ZCCHC17: variants seen among roughly 807,000 people sequenced by gnomAD.
ZCCHC17 encodes zinc finger CCHC domain-containing protein 17.
ZCCHC17 carries 18 observed loss-of-function variants against 30.6 expected under a neutral mutation model. That is an observed-to-expected ratio of 0.59 (90% CI 0.41 to 0.87). ZCCHC17 has a LOEUF of 0.87. ZCCHC17 is among the 40% of genes least tolerant of loss of function. The probability of loss-of-function intolerance (pLI) is 0.00; values close to 1 mark genes in which losing one functional copy is unlikely to be tolerated. For synonymous variants in ZCCHC17, 88 were observed against 92.4 expected, an observed-to-expected ratio of 0.95 and a Z score of 0.27; for missense variants, 263 against 284.2, an observed-to-expected ratio of 0.93 and a Z score of 0.54.
intron 3 of ZCCHC17, among the ~76,000 whole-genome samples, chr1:31,333,486 G>A (rs1421981339): frequency 2.0e-5 from 3 of 152,098 alleles, no homozygotes; most frequent in Admixed American, 6.6e-5. Context: ...TTGTGCCACT[G>A]CACTCCAGCC....
intron 6 of ZCCHC17, among the ~76,000 whole-genome samples, chr1:31,348,390 C>T (rs1262769785): frequency 2.0e-5 from 3 of 152,140 alleles, no homozygotes; most frequent in African/African-American, 4.8e-5. Flanking sequence ...GATGTGAGTG[C>T]CCACTTGCTA....
At position 31,331,614 on chromosome 1, in the gene ZCCHC17, AT is replaced by A. The variant is rs909092524; in HGVS notation, c.125-5549del. On this transcript the variant is annotated intron_variant, in intron 3 of 7. Coordinates refer to ENST00000344147, the MANE Select transcript of ZCCHC17 (RefSeq NM_016505.4). ...CTAATGATAGGAACTGTAGAGATGG[AT>A]TTTTTTTTTTTCTTTGAGATGGAGT... Among the ~76,000 whole-genome samples the A allele has an allele frequency of 9.6e-3, 1,386 of 145,046 alleles. 20 individuals are homozygous for A. Among genetic ancestry groups the A allele is most frequent in the African/African-American group, 0.03 (1,191 of 39,778 alleles).
At chr1:31,297,292 C>T (rs1646187135) in intron 1 of ZCCHC17, 6 of 397,436 alleles carry the variant, frequency 1.5e-5, no homozygotes, top group Non-Finnish European at 2.7e-5. Flanking sequence ...GCCCCTGCGG[C>T]TCCCTTCTTC....
chr1:31,349,354 C>A (rs1398927892), intron 7 of ZCCHC17, among the ~76,000 whole-genome samples: 1 of 152,102 alleles, frequency 6.6e-6, no homozygotes, highest in Non-Finnish European at 1.5e-5. Context: ...ATATTCTAAT[C>A]TTTTTTCTTT....
At chr1:31,299,846 G>T (rs545802905) in intron 1 of ZCCHC17, among the ~76,000 whole-genome samples, 1 of 152,284 alleles carries the variant, frequency 6.6e-6, no homozygotes, top group South Asian at 2.1e-4. Flanking sequence ...TTGTTGGAAT[G>T]ATGGGCTATG....
At chr1:31,322,995 C>T (rs978635916) in intron 3 of ZCCHC17, among the ~76,000 whole-genome samples, 9 of 152,184 alleles carry the variant, frequency 5.9e-5, no homozygotes, top group Non-Finnish European at 1.2e-4. Flanking sequence ...GCTGGGATTA[C>T]AGGTGTGAGC....
At chr1:31,325,313 G>A (rs901397685) in intron 3 of ZCCHC17, among the ~76,000 whole-genome samples, 1 of 152,224 alleles carries the variant, frequency 6.6e-6, no homozygotes, top group African/African-American at 2.4e-5. Flanking sequence ...CTTCCTGGAT[G>A]CAAGACAAGA....
chr1:31,354,401 A>T (rs1263117371), intron 7 of ZCCHC17, among the ~76,000 whole-genome samples: 2 of 151,890 alleles, frequency 1.3e-5, no homozygotes, highest in Non-Finnish European at 2.9e-5. Flanking sequence ...TTTCTTGCAG[A>T]TTTAGTTTTT....
chr1:31,361,573 C>T (rs1233267092), intron 7 of ZCCHC17, among the ~76,000 whole-genome samples: 1 of 152,158 alleles, frequency 6.6e-6, no homozygotes, highest in Non-Finnish European at 1.5e-5. Flanking sequence ...ATTTGTTGTT[C>T]TAATGACCAT....
intron 3 of ZCCHC17, among the ~76,000 whole-genome samples, chr1:31,324,270 C>A (rs377658664): frequency 6.6e-6 from 1 of 152,172 alleles, no homozygotes; most frequent in South Asian, 2.1e-4. Context: ...GCCAAGAGTT[C>A]GGGGCCAGGC....
At chr1:31,333,735 A>AT (rs1035847147) in intron 3 of ZCCHC17, among the ~76,000 whole-genome samples, 24 of 152,248 alleles carry the variant, frequency 1.6e-4, no homozygotes, top group African/African-American at 5.5e-4. Flanking sequence ...ATCTTTTGTC[A>AT]TTTTTTCACT....
intron 3 of ZCCHC17, among the ~76,000 whole-genome samples, chr1:31,335,080 AT>A (rs1206647831): frequency 6.6e-6 from 1 of 152,154 alleles, no homozygotes; most frequent in Non-Finnish European, 1.5e-5. Context: ...TTTCTCAGTT[AT>A]GTTTCTGCCC....
chr1:31,334,337 CTGTGTGTGTGTGTGTGTGTGTGTGTGTG>C (rs59851204), intron 3 of ZCCHC17, among the ~76,000 whole-genome samples: 12 of 85,586 alleles, frequency 1.4e-4, no homozygotes, highest in African/African-American at 5.9e-4. Context: ...CTCTCTCTCT[CTGTGTGTGTGTGTGTGTGTGTGTGTGTG>C]TGTGTGTGTG....
intron 3 of ZCCHC17, among the ~76,000 whole-genome samples, chr1:31,326,834 T>C (rs1452963260): frequency 6.6e-6 from 1 of 152,170 alleles, no homozygotes; most frequent in Non-Finnish European, 1.5e-5. Context: ...ACTTGAGCAA[T>C]TGACTTCCTT....
In ZCCHC17 at chr1:31,324,799, G is replaced by A. The variant is rs368451883; in HGVS notation, c.124+5633G>A. The stretch of plus-strand genomic sequence containing the variant: ...GCCCCTGGGCACAGAACAACTGGGC[G>A]TCATGGACAACATGATTGATGGTGA... On this transcript the variant is annotated intron_variant, in intron 3 of 7. Coordinates refer to ENST00000344147, the MANE Select transcript of ZCCHC17 (RefSeq NM_016505.4). Among the ~76,000 whole-genome samples the A allele has an allele frequency of 6.6e-5, 10 of 152,212 alleles. No individual in the cohort carries two copies. The South Asian group carries it at 8.3e-4, about 13-fold the overall frequency.
At chr1:31,317,548 A>G (rs759274067) in intron 2 of ZCCHC17, among the ~76,000 whole-genome samples, 3 of 152,212 alleles carry the variant, frequency 2.0e-5, no homozygotes, top group Non-Finnish European at 4.4e-5. Flanking sequence ...GCAAGATCCT[A>G]CAGGTGGGAA....
intron 7 of ZCCHC17, among the ~76,000 whole-genome samples, chr1:31,360,601 G>A (rs976482324): frequency 6.6e-6 from 1 of 152,212 alleles, no homozygotes; most frequent in African/African-American, 2.4e-5. Flanking sequence ...CATCAAAGTT[G>A]AGGTCTAGGA....
chr1:31,363,643 G>T (rs1253825626), intron 7 of ZCCHC17, among the ~76,000 whole-genome samples: 1 of 152,266 alleles, frequency 6.6e-6, no homozygotes, highest in South Asian at 2.1e-4. Flanking sequence ...TTAGCAGGGT[G>T]TGGTGGTGCA....
In ZCCHC17 at chr1:31,364,159, A is replaced by G; in HGVS notation, c.692A>G (p.Lys231Arg). The G allele has an allele frequency of 1.2e-6, 2 of 1,613,710 alleles. No individual in the cohort carries two copies. The highest frequency in any genetic ancestry group is 1.7e-6 in the Non-Finnish European group (2 of 1,179,764). Residue 231 changes from lysine (K) to arginine (R), a missense_variant, in exon 8 of 8, where the codon AAG (lysine) becomes AGG (arginine). Lys to Arg is a conservative substitution (Grantham distance 26, BLOSUM62 2). Coordinates refer to ENST00000344147, the MANE Select transcript of ZCCHC17 (RefSeq NM_016505.4). ...KDSKAAKKKK[K>R]KKKHKKKHKE The stretch of plus-strand genomic sequence containing the variant: ...AGCAAGGCAGCAAAGAAGAAGAAAA[A>G]GAAGAAGAAGCACAAGAAGAAGCAC...
Sources: gnomAD v4.1 joint callset for allele counts (sites outside exome capture counted in the v4.1 genomes callset) on GRCh38, gnomAD v4.1.1 for gene constraint, MANE v1.5 for transcripts, NCBI Gene and HGNC (gene_info 2026-07-23, HGNC 2026-07-21) for gene names.